The following MMP16 variants were observed in gnomAD, a reference collection of about 807,000 sequenced individuals.
The protein encoded by MMP16 is matrix metalloproteinase-16.
A neutral mutation model predicts 67.8 loss-of-function variants in MMP16; 12 were observed. The observed-to-expected ratio is 0.18, with a 90% CI of 0.11 to 0.29. The LOEUF is 0.29. Ranked by LOEUF, MMP16 falls within the 10% of genes least tolerant of loss-of-function variation. The pLI is 1.00. For synonymous variants in MMP16, 249 were observed against 255.9 expected (o/e 0.97, Z 0.26); for missense variants, 475 against 765.7 (o/e 0.62, Z 4.48).
intron 6 of MMP16, among the ~76,000 whole-genome samples, chr8:88,098,522 A>G (rs2118368728): frequency 6.6e-6 from 1 of 152,110 alleles, no homozygotes; most frequent in South Asian, 2.1e-4. Flanking sequence ...TTAACTCCAC[A>G]TATCAGAGGG....
At chr8:88,243,671 A>AT (rs1233754885) in intron 1 of MMP16, among the ~76,000 whole-genome samples, 1 of 152,064 alleles carries the variant, frequency 6.6e-6, no homozygotes, top group Non-Finnish European at 1.5e-5. Context: ...GATGTAGGTA[A>AT]TTTTTTTACG....
At chr8:88,168,608 C>A (rs952798442) in intron 3 of MMP16, among the ~76,000 whole-genome samples, 1 of 152,038 alleles carries the variant, frequency 6.6e-6, no homozygotes, top group Admixed American at 6.6e-5. Flanking sequence ...TTTAGTTTGT[C>A]CTGATGCTAA....
chr8:88,302,462 C>T (rs1361566176), intron 1 of MMP16, among the ~76,000 whole-genome samples: 1 of 152,144 alleles, frequency 6.6e-6, no homozygotes, highest in East Asian at 1.9e-4. Context: ...AAAATAAAGT[C>T]CCTGTTGTAC....
intron 6 of MMP16, among the ~76,000 whole-genome samples, chr8:88,082,584 T>C (rs1808770460): frequency 6.6e-6 from 1 of 152,100 alleles, no homozygotes; most frequent in Non-Finnish European, 1.5e-5. Flanking sequence ...GATGGGAAAA[T>C]TTATCTATAT....
Position 88,046,737 on chromosome 8 carries a change from G to A in MMP16, c.1421C>T (p.Pro474Leu). ...EEMKTMDPGY[P>L]KPITVWKGIP... ...CCCTTTCCAGACTGTGATTGGCTTG[G>A]GATAGCCAGGGTCCATTGTTTTCAT... The change falls in exon 9 of 10, where the codon CCC (proline) becomes CTC (leucine). Residue 474 changes from proline to leucine, a missense_variant. By Grantham distance (98) the Pro-to-Leu change is moderately conservative. Coordinates refer to ENST00000286614, the MANE Select transcript of MMP16 (RefSeq NM_005941.5). 1 of 1,610,806 alleles carries A rather than the reference G, an allele frequency of 6.2e-7. No individual in the cohort carries two copies. Among genetic ancestry groups the A allele is most frequent in the Non-Finnish European group, 8.5e-7 (1 of 1,179,012 alleles).
chr8:88,090,982 C>G (rs1308841141), intron 6 of MMP16, among the ~76,000 whole-genome samples: 2 of 151,806 alleles, frequency 1.3e-5, no homozygotes, highest in African/African-American at 2.4e-5. Flanking sequence ...TCTTTTCTTT[C>G]TCTTTCCTAT....
chr8:88,317,635 G>A (rs560123598), intron 1 of MMP16, among the ~76,000 whole-genome samples: 3 of 152,274 alleles, frequency 2.0e-5, no homozygotes, highest in Non-Finnish European at 4.4e-5. Context: ...GAGGAAGTGA[G>A]AAAGTAGCCA....
At chr8:88,229,914 C>T (rs1009669756) in intron 1 of MMP16, among the ~76,000 whole-genome samples, 2 of 152,110 alleles carry the variant, frequency 1.3e-5, no homozygotes, top group African/African-American at 4.8e-5. Context: ...AGAGATCCAA[C>T]ATATTTTATC....
chr8:88,155,282 T>C (rs192075098), intron 4 of MMP16, among the ~76,000 whole-genome samples: 1 of 152,122 alleles, frequency 6.6e-6, no homozygotes, highest in African/African-American at 2.4e-5. Context: ...GTAATTAGAA[T>C]ATATACAAAA....
At chr8:88,255,067 C>T (rs1467571185) in intron 1 of MMP16, among the ~76,000 whole-genome samples, 3 of 152,056 alleles carry the variant, frequency 2.0e-5, no homozygotes, top group African/African-American at 7.2e-5. Context: ...GGATATCTGT[C>T]CCCTCCAAAT....
intron 1 of MMP16, among the ~76,000 whole-genome samples, chr8:88,256,745 A>G (rs1443907185): frequency 1.3e-5 from 2 of 151,826 alleles, no homozygotes; most frequent in African/African-American, 4.8e-5. Flanking sequence ...GTACACACTT[A>G]TAACTCAGAG....
intron 3 of MMP16, among the ~76,000 whole-genome samples, chr8:88,185,491 T>C (rs895045701): frequency 6.6e-6 from 1 of 152,124 alleles, no homozygotes; most frequent in Non-Finnish European, 1.5e-5. Context: ...TCAAGTGACA[T>C]GTTCCAGTTA....
intron 6 of MMP16, among the ~76,000 whole-genome samples, chr8:88,087,130 A>C (rs887599106): frequency 6.6e-6 from 1 of 151,838 alleles, no homozygotes; most frequent in Non-Finnish European, 1.5e-5. Context: ...CTATAGTCCT[A>C]AACTGGCCTA....
At chr8:88,142,001 TC>T (rs1409508631) in intron 4 of MMP16, among the ~76,000 whole-genome samples, 2 of 151,658 alleles carry the variant, frequency 1.3e-5, no homozygotes, top group Non-Finnish European at 2.9e-5. Context: ...TGCTGCAACC[TC>T]CACCTCCTGG....
chr8:88,278,949 A>G (rs1416311590), intron 1 of MMP16, among the ~76,000 whole-genome samples: 3 of 152,188 alleles, frequency 2.0e-5, no homozygotes, highest in Non-Finnish European at 4.4e-5. Context: ...TGGTAGTACT[A>G]GACTCATGTG....
intron 4 of MMP16, among the ~76,000 whole-genome samples, chr8:88,159,374 T>A (rs1425389320): frequency 6.6e-6 from 1 of 152,212 alleles, no homozygotes. Context: ...GAAGAGGTCC[T>A]TCACATCCCT....
At chr8:88,163,859 A>G (rs1432231342) in intron 4 of MMP16, among the ~76,000 whole-genome samples, 1 of 152,120 alleles carries the variant, frequency 6.6e-6, no homozygotes, top group Non-Finnish European at 1.5e-5. Flanking sequence ...AAAATAGTTA[A>G]TGATGTTAAC....
At chr8:88,083,289 C>A (rs1422564321) in intron 6 of MMP16, among the ~76,000 whole-genome samples, 1 of 151,898 alleles carries the variant, frequency 6.6e-6, no homozygotes, top group Admixed American at 6.6e-5. Flanking sequence ...GACATAAAAG[C>A]CATAATATTC....
intron 6 of MMP16, among the ~76,000 whole-genome samples, chr8:88,083,205 C>CACAA (rs28991874): frequency 0.058 from 8,764 of 152,014 alleles, 503 homozygotes; most frequent in African/African-American, 0.13. Context: ...TAAACACATA[C>CACAA]ACAAACAGAA....
Sources: allele counts gnomAD v4.1 joint callset (sites outside exome capture counted in the v4.1 genomes callset), GRCh38; gene constraint gnomAD v4.1.1; transcripts MANE v1.5; gene names NCBI Gene and HGNC (gene_info 2026-07-23, HGNC 2026-07-21).